TNFRSF21: variants seen among roughly 807,000 people sequenced by gnomAD.
TNFRSF21 encodes the protein tumor necrosis factor receptor superfamily member 21.
In TNFRSF21, 19 loss-of-function variants were observed where a neutral mutation model predicts 45.6. The ratio of observed to expected loss-of-function variants is 0.42; its 90% CI spans 0.29 to 0.61. The LOEUF is 0.61. TNFRSF21 is among the 20% of genes least tolerant of loss of function. TNFRSF21 has a pLI of 0.23. For missense variants in TNFRSF21, 737 were observed against 851.5 expected, an observed-to-expected ratio of 0.87 and a Z score of 1.67; for synonymous variants, 314 against 335.5, an observed-to-expected ratio of 0.94 and a Z score of 0.70.
intron 1 of TNFRSF21, among the ~76,000 whole-genome samples, chr6:47,294,446 A>G (rs1762769105): frequency 6.6e-6 from 1 of 152,174 alleles, no homozygotes; most frequent in Non-Finnish European, 1.5e-5. Context: ...CCGGCTGCGC[A>G]CAGGTTTAAA....
chr6:47,268,603 T>C (rs1055539270), intron 3 of TNFRSF21, among the ~76,000 whole-genome samples: 2 of 144,564 alleles, frequency 1.4e-5, no homozygotes, highest in Non-Finnish European at 3.1e-5. Context: ...GGAGCCAAGA[T>C]CTCCTAATTT....
At chr6:47,282,395 TA>T (rs905383478) in intron 3 of TNFRSF21, among the ~76,000 whole-genome samples, 22 of 126,996 alleles carry the variant, frequency 1.7e-4, no homozygotes, top group Admixed American at 6.1e-4. Flanking sequence ...AAAAAAAAAA[TA>T]AAAAAAAAAA....
intron 1 of TNFRSF21, among the ~76,000 whole-genome samples, chr6:47,293,207 T>C (rs1037510389): frequency 1.5e-4 from 23 of 152,318 alleles, no homozygotes; most frequent in African/African-American, 5.1e-4. Flanking sequence ...CTTCCCATAA[T>C]GATTATAAGC....
chr6:47,258,161 G>C (rs1003474230), intron 3 of TNFRSF21, among the ~76,000 whole-genome samples: 1 of 151,918 alleles, frequency 6.6e-6, no homozygotes, highest in African/African-American at 2.4e-5. Context: ...CTTGACCCAG[G>C]AGTTCATAAC....
chr6:47,238,430 T>G (rs1226787353), intron 4 of TNFRSF21, among the ~76,000 whole-genome samples: 1 of 152,202 alleles, frequency 6.6e-6, no homozygotes, highest in Non-Finnish European at 1.5e-5. Context: ...TAATCCTAAC[T>G]TGGAAGACTC....
chr6:47,239,327 A>T (rs1344139227), intron 4 of TNFRSF21, among the ~76,000 whole-genome samples: 1 of 151,756 alleles, frequency 6.6e-6, no homozygotes, highest in African/African-American at 2.4e-5. Flanking sequence ...TGAAGCCCAA[A>T]AATAATTCTC....
intron 4 of TNFRSF21, among the ~76,000 whole-genome samples, chr6:47,243,380 T>C (rs1249338041): frequency 6.6e-6 from 1 of 152,198 alleles, no homozygotes; most frequent in African/African-American, 2.4e-5. Context: ...TGTGTGTGTA[T>C]ATATATGTAT....
intron 3 of TNFRSF21, among the ~76,000 whole-genome samples, chr6:47,275,674 T>G (rs750658242): frequency 2.7e-5 from 4 of 146,726 alleles, no homozygotes; most frequent in African/African-American, 1.0e-4. Context: ...GAAAAAAAAA[T>G]GTCTCACATT....
At chr6:47,274,400 A>G (rs1260444122) in intron 3 of TNFRSF21, among the ~76,000 whole-genome samples, 1 of 152,250 alleles carries the variant, frequency 6.6e-6, no homozygotes, top group Non-Finnish European at 1.5e-5. Flanking sequence ...AGGATTCCCT[A>G]TTTAATAAAT....
At chr6:47,296,052 C>T (rs1045398418) in intron 1 of TNFRSF21, among the ~76,000 whole-genome samples, 8 of 152,270 alleles carry the variant, frequency 5.3e-5, no homozygotes, top group African/African-American at 1.7e-4. Context: ...CATCTCCTTC[C>T]GTGTCCTTAG....
In TNFRSF21 at chr6:47,285,493, T is replaced by C. The variant is rs1482441158; in HGVS notation, c.748+451A>G. 4.6e-5 allele frequency among the ~76,000 whole-genome samples: 7 copies of C among 152,184 alleles called. No individual in the cohort carries two copies. In the East Asian group the frequency reaches 9.6e-4, roughly 21 times the overall value. On this transcript the variant is annotated intron_variant, in intron 2 of 5. Transcript: ENST00000296861. ...TCAAAATTCATCTCTCGCTTCCGGA[T>C]GTAATGGTATTTTCTTCCTTTCTCC...
intron 1 of TNFRSF21, among the ~76,000 whole-genome samples, chr6:47,288,712 A>G (rs1018014739): frequency 6.6e-6 from 1 of 152,222 alleles, no homozygotes; most frequent in African/African-American, 2.4e-5. Flanking sequence ...TGCCAGTTCC[A>G]TGCACCAGAT....
At chr6:47,249,947 A>G (rs1764877433) in intron 4 of TNFRSF21, among the ~76,000 whole-genome samples, 1 of 152,158 alleles carries the variant, frequency 6.6e-6, no homozygotes, top group Non-Finnish European at 1.5e-5. Flanking sequence ...TGGAGAGAGA[A>G]AAAAATAAAA....
intron 3 of TNFRSF21, among the ~76,000 whole-genome samples, chr6:47,256,277 A>C (rs555025828): frequency 6.6e-6 from 1 of 152,338 alleles, no homozygotes; most frequent in Admixed American, 6.5e-5. Flanking sequence ...GTAATGCAGC[A>C]CTTTGGGAGG....
At chr6:47,250,172 GA>G (rs1764881237) in intron 4 of TNFRSF21, among the ~76,000 whole-genome samples, 1 of 151,950 alleles carries the variant, frequency 6.6e-6, no homozygotes, top group African/African-American at 2.4e-5. Flanking sequence ...TTTAAATAAA[GA>G]CAGAGAAAAA....
intron 3 of TNFRSF21, among the ~76,000 whole-genome samples, chr6:47,261,318 G>A (rs1014132416): frequency 6.6e-6 from 1 of 152,234 alleles, no homozygotes; most frequent in Admixed American, 6.5e-5. Context: ...TTGAGGCCAA[G>A]CCCAAGACCA....
intron 3 of TNFRSF21, among the ~76,000 whole-genome samples, chr6:47,272,938 C>A (rs1762446519): frequency 6.6e-6 from 1 of 152,178 alleles, no homozygotes; most frequent in African/African-American, 2.4e-5. Flanking sequence ...TTCCTGGACA[C>A]ATACACCCTC....
intron 3 of TNFRSF21, among the ~76,000 whole-genome samples, chr6:47,283,442 G>A (rs1288341828): frequency 6.6e-6 from 1 of 152,158 alleles, no homozygotes; most frequent in Non-Finnish European, 1.5e-5. Flanking sequence ...AAATTGTTAG[G>A]AATCTAAAAG....
intron 4 of TNFRSF21, among the ~76,000 whole-genome samples, chr6:47,243,073 T>C (rs1002060713): frequency 6.6e-6 from 1 of 152,264 alleles, no homozygotes; most frequent in African/African-American, 2.4e-5. Context: ...ACTCGGGCTT[T>C]TTGAACTCAT....
Sources: allele counts gnomAD v4.1 joint callset (sites outside exome capture counted in the v4.1 genomes callset), GRCh38; gene constraint gnomAD v4.1.1; transcripts MANE v1.5; gene names NCBI Gene and HGNC (gene_info 2026-07-23, HGNC 2026-07-21).